HERC2: variants seen among roughly 807,000 people sequenced by gnomAD.
The protein encoded by HERC2 is HECT and RLD domain containing E3 ubiquitin protein ligase 2.
HERC2 carries 102 observed loss-of-function variants against 537.7 expected under a neutral mutation model. That is an observed-to-expected ratio of 0.19 (90% CI 0.16 to 0.22). HERC2 has a LOEUF of 0.22. HERC2 is among the 10% of genes least tolerant of loss of function. The pLI is 1.00. For synonymous variants in HERC2, 2,224 were observed against 2,466.2 expected (o/e 0.90, Z 2.91); for missense variants, 4,236 against 6,198.2 (o/e 0.68, Z 10.63).
rs371831757 is a variant in HERC2 at position 28,111,328 on chromosome 15, GAAAT to G, written c.*431_*434del. 8.5e-4 allele frequency: 139 copies of G among 162,690 alleles called. No homozygotes were observed. Among genetic ancestry groups the G allele is most frequent in the African/African-American group, 3.2e-3 (136 of 41,872 alleles). 10.1% of individuals were successfully genotyped at this position (162,690 alleles called of 1,614,324 possible). On this transcript the variant is annotated 3_prime_UTR_variant, in exon 93 of 93. Transcript: ENST00000261609. ...AAACAAATTCAGAGTAAAATTAATTGAAATATTTATAATACGATTTGTTACACAG... is the reference window on the plus strand; with the variant it reads ...AAACAAATTCAGAGTAAAATTAATTGATTTATAATACGATTTGTTACACAG...
chr15:28,252,623 T>C lies in HERC2; in HGVS notation c.3050+1717A>G, dbSNP rs534677117. Among the ~76,000 whole-genome samples, 54 of 152,370 alleles carry C rather than the reference T, an allele frequency of 3.5e-4. 2 individuals carry two copies. The South Asian group carries it at 0.011, about 30-fold the overall frequency. On this transcript the variant is annotated intron_variant, in intron 20 of 92. Coordinates refer to ENST00000261609, the MANE Select transcript of HERC2 (RefSeq NM_004667.6). ...TGGAAGTTCATCTATGTGAACAAGC[T>C]GTTGCAACTGAAATTTTATGAGAAC...
At chr15:28,220,070 A>C (rs1363597005) in intron 37 of HERC2, among the ~76,000 whole-genome samples, 4 of 152,236 alleles carry the variant, frequency 2.6e-5, no homozygotes, top group South Asian at 2.1e-4. Context: ...CTGGAGGAGG[A>C]GGCAATGGAC....
At chr15:28,311,843 T>C (rs2141279485) in intron 2 of HERC2, among the ~76,000 whole-genome samples, 1 of 152,184 alleles carries the variant, frequency 6.6e-6, no homozygotes, top group African/African-American at 2.4e-5. Flanking sequence ...CAGCCTAGAT[T>C]GAGAAACATT....
intron 2 of HERC2, among the ~76,000 whole-genome samples, chr15:28,301,735 GTATATATATATATATATA>G (rs55977156): frequency 0.029 from 1,014 of 35,396 alleles, 57 homozygotes; most frequent in Non-Finnish European, 0.034. Flanking sequence ...GTATGTATGT[GTATATATATATATATATA>G]TATATATATA....
chr15:28,227,809 C>T (rs1901375015), intron 35 of HERC2, among the ~76,000 whole-genome samples: 1 of 152,038 alleles, frequency 6.6e-6, no homozygotes, highest in Admixed American at 6.6e-5. Context: ...TCTTTTTCAG[C>T]CATAAAAATA....
At chr15:28,152,455 C>T (rs913414126) in intron 70 of HERC2, among the ~76,000 whole-genome samples, 1 of 152,138 alleles carries the variant, frequency 6.6e-6, no homozygotes, top group Non-Finnish European at 1.5e-5. Flanking sequence ...GGGCATCTGC[C>T]TGATTATCAT....
intron 2 of HERC2, among the ~76,000 whole-genome samples, chr15:28,314,308 G>A (rs1223994924): frequency 6.6e-6 from 1 of 152,142 alleles, no homozygotes; most frequent in Non-Finnish European, 1.5e-5. Flanking sequence ...AAGAGCCTGA[G>A]GAATGAACTA....
chr15:28,162,003 TA>T (rs900930684), intron 69 of HERC2, among the ~76,000 whole-genome samples: 6 of 152,124 alleles, frequency 3.9e-5, no homozygotes, highest in Non-Finnish European at 7.4e-5. Flanking sequence ...CCCAGGTGGC[TA>T]AAAAATGTAA....
Position 28,113,382 on chromosome 15 carries a change from G to T in HERC2, c.14020-99C>A. 1 of 1,329,246 alleles carries T rather than the reference G, an allele frequency of 7.5e-7. No homozygotes were observed. The highest frequency in any genetic ancestry group is 1.1e-6 in the Non-Finnish European group (1 of 944,810). The allele number at this position is 1,329,246 out of a possible 1,614,324, so 82.3% of individuals were successfully genotyped here. On this transcript the variant is annotated intron_variant, in intron 91 of 92. Coordinates refer to ENST00000261609, the MANE Select transcript of HERC2 (RefSeq NM_004667.6). This position sits in a 1 kb window ranked among gnomAD's most constrained non-coding sequence, Gnocchi z 7.0. ...CTCTCTACACCAAGGCCTGTTTGGG[G>T]TGGGGAAAGGTCTGGGGGCTCTGGG...
chr15:28,272,402 T>A lies in HERC2; in HGVS notation c.912-16A>T. Reference sequence around the variant, plus strand: ...CAACATTTGGCTAAAGGAGAAAAGATATTTATTCTAGTAAAAACAGATTAA... The same window carrying A: ...CAACATTTGGCTAAAGGAGAAAAGAAATTTATTCTAGTAAAAACAGATTAA... On this transcript the variant is annotated splice_polypyrimidine_tract_variant and intron_variant, in intron 8 of 92. Transcript: ENST00000261609. 6.2e-7 allele frequency: 1 copy of A among 1,602,534 alleles called. No individual in the cohort carries two copies. Among genetic ancestry groups the A allele is most frequent in the Non-Finnish European group, 8.5e-7 (1 of 1,173,246 alleles).
intron 56 of HERC2, among the ~76,000 whole-genome samples, chr15:28,184,091 T>A (rs113016494): frequency 0.038 from 5,800 of 152,140 alleles, 352 homozygotes; most frequent in African/African-American, 0.13. Context: ...CTTGGGAGGC[T>A]GAGGTGGGAG....
intron 70 of HERC2, among the ~76,000 whole-genome samples, chr15:28,149,618 C>T (rs1178792448): frequency 5.9e-5 from 9 of 151,576 alleles, no homozygotes; most frequent in South Asian, 2.1e-4. Flanking sequence ...AGAACATCAC[C>T]GAGAACGGCT....
intron 57 of HERC2, among the ~76,000 whole-genome samples, chr15:28,180,979 C>T (rs1240896066): frequency 1.3e-5 from 2 of 152,116 alleles, no homozygotes; most frequent in South Asian, 2.1e-4. Context: ...AACAAATCCA[C>T]GGATACTGAG....
intron 55 of HERC2, among the ~76,000 whole-genome samples, chr15:28,187,343 T>G (rs1004377840): frequency 4.0e-5 from 6 of 151,710 alleles, no homozygotes; most frequent in African/African-American, 9.7e-5. Flanking sequence ...TGTTTTTTTG[T>G]TTTTTTTGAG....
intron 79 of HERC2, among the ~76,000 whole-genome samples, chr15:28,133,683 C>G (rs1288000263): frequency 6.6e-6 from 1 of 152,196 alleles, no homozygotes; most frequent in African/African-American, 2.4e-5. Flanking sequence ...TTATTCAAAA[C>G]CACTTGTTGA....
chr15:28,151,649 G>A lies in HERC2; in HGVS notation c.10900+1028C>T, dbSNP rs559271279. On this transcript the variant is annotated intron_variant, in intron 70 of 92. Transcript: ENST00000261609. The stretch of plus-strand genomic sequence containing the variant: ...TACTGAAGACTACCAGAATCACTTC[G>A]GGAGCTACACTGAAGAGGCTGCCAC... Among the ~76,000 whole-genome samples, 134 of 152,064 alleles carry A rather than the reference G, an allele frequency of 8.8e-4. 1 individual carries two copies. Among genetic ancestry groups the A allele is most frequent in the African/African-American group, 2.8e-3 (115 of 41,476 alleles).
intron 69 of HERC2, among the ~76,000 whole-genome samples, chr15:28,158,765 T>C (rs983310766): frequency 2.0e-5 from 3 of 152,244 alleles, no homozygotes; most frequent in Admixed American, 6.5e-5. Context: ...ATGTGTGAAT[T>C]TGATCCTGTC....
chr15:28,128,540 T>A (rs1200628877), intron 83 of HERC2, among the ~76,000 whole-genome samples: 1 of 152,232 alleles, frequency 6.6e-6, no homozygotes, highest in Non-Finnish European at 1.5e-5. Flanking sequence ...AAGTTGCTCA[T>A]TCATCCATGA....
Position 28,256,156 on chromosome 15 carries a change from G to C in HERC2, c.2679C>G (p.Gly893=). ...CCGCGGTGGGCAGCAGCACGGACCA[G>C]CCACTCTGCAGCACGGCCTGGGCGG... ...QSAAQAVLQS[G]WSVLLPTAEE... is the part of the protein sequence containing the mutation. The change falls in exon 18 of 93, where the codon GGC becomes GGG. Residue 893 remains glycine, a synonymous_variant. Transcript: ENST00000261609. The C allele has an allele frequency of 1.9e-6, 3 of 1,602,246 alleles. No homozygotes were observed. Among genetic ancestry groups the C allele is most frequent in the Non-Finnish European group, 2.5e-6 (3 of 1,179,768 alleles).
Sources: gnomAD v4.1 joint callset for allele counts (sites outside exome capture counted in the v4.1 genomes callset) on GRCh38, gnomAD v4.1.1 for gene constraint, Gnocchi (gnomAD v3.1) non-coding constraint, MANE v1.5 for transcripts, NCBI Gene and HGNC (gene_info 2026-07-23, HGNC 2026-07-21) for gene names.